The following TENM3 variants were observed in gnomAD, a reference collection of about 807,000 sequenced individuals.
TENM3 encodes the protein teneurin transmembrane protein 3, also known as teneurin-3.
In TENM3, 63 loss-of-function variants were observed where a neutral mutation model predicts 255.1. The observed-to-expected ratio is 0.25, with a 90% CI of 0.20 to 0.30. TENM3 has a LOEUF of 0.30. Among genes scored for constraint, TENM3 ranks in the 10% least tolerant of loss-of-function variants. The pLI is 1.00. For synonymous variants in TENM3, 1,306 were observed against 1,322.3 expected (o/e 0.99, Z 0.27); for missense variants, 2,929 against 3,461.1 (o/e 0.85, Z 3.86).
chr4:182,637,938 C>T (rs763444401), intron 5 of TENM3, among the ~76,000 whole-genome samples: 1 of 152,064 alleles, frequency 6.6e-6, no homozygotes, highest in Non-Finnish European at 1.5e-5. Context: ...AGTGTTACCA[C>T]ATAAACCTAA....
chr4:181,460,258 T>C, the TENM3 span, among the ~76,000 whole-genome samples: 1 of 152,012 alleles, frequency 6.6e-6, no homozygotes, highest in Non-Finnish European at 1.5e-5. Context: ...AATGTGTGAA[T>C]AAAGGCAGTT....
chr4:182,630,104 C>T (rs62339136), intron 5 of TENM3, among the ~76,000 whole-genome samples: 17,294 of 152,152 alleles, frequency 0.11, 1,297 homozygotes, highest in Non-Finnish European at 0.17. Context: ...CTGACGGCCT[C>T]TACCAGTCAG....
chr4:182,633,402 C>A (rs1751565545), intron 5 of TENM3, among the ~76,000 whole-genome samples: 1 of 152,206 alleles, frequency 6.6e-6, no homozygotes, highest in African/African-American at 2.4e-5. Flanking sequence ...TAAAAACACT[C>A]TTAACACCAT....
the TENM3 span, among the ~76,000 whole-genome samples, chr4:182,038,176 G>C: frequency 2.0e-5 from 3 of 152,146 alleles, no homozygotes; most frequent in Non-Finnish European, 4.4e-5. Flanking sequence ...AGAAGAATAT[G>C]ACTAGCTTCA....
At chr4:181,558,396 T>C in the TENM3 span, among the ~76,000 whole-genome samples, 1 of 152,192 alleles carries the variant, frequency 6.6e-6, no homozygotes, top group South Asian at 2.1e-4. Context: ...TTCCTGAACA[T>C]GAATAAACAG....
At chr4:181,886,289 G>A in the TENM3 span, among the ~76,000 whole-genome samples, 9 of 152,140 alleles carry the variant, frequency 5.9e-5, no homozygotes, top group Non-Finnish European at 1.2e-4. Context: ...CCGACCTCAA[G>A]TGATCCGCCT....
intron 3 of TENM3, among the ~76,000 whole-genome samples, chr4:182,355,970 T>G (rs1404054615): frequency 1.3e-5 from 2 of 151,254 alleles, no homozygotes; most frequent in Non-Finnish European, 2.9e-5. Context: ...CTCTGTGATC[T>G]ATATTATTGC....
chr4:182,381,368 G>A lies in TENM3; in HGVS notation c.511+34439G>A, dbSNP rs370928055. On this transcript the variant is annotated intron_variant, in intron 3 of 27. Coordinates refer to ENST00000511685, the MANE Select transcript of TENM3 (RefSeq NM_001080477.4). The stretch of plus-strand genomic sequence containing the variant: ...TGGGATGCAGGGAAAAAAAGACTCA[G>A]GATGTTAAGATGGTTTCGATACTGG... Among the ~76,000 whole-genome samples, 8 of 152,310 alleles carry A rather than the reference G, an allele frequency of 5.3e-5. No homozygotes were observed. In the East Asian group the frequency reaches 1.4e-3, roughly 26 times the overall value.
chr4:182,656,488 C>T (rs1488919586), intron 6 of TENM3, among the ~76,000 whole-genome samples: 1 of 152,116 alleles, frequency 6.6e-6, no homozygotes, highest in Non-Finnish European at 1.5e-5. Flanking sequence ...TAGCTGCAAA[C>T]CGCTGCTTTT....
intron 1 of TENM3, among the ~76,000 whole-genome samples, chr4:182,149,912 T>A (rs535806454): frequency 6.6e-5 from 10 of 152,218 alleles, no homozygotes; most frequent in African/African-American, 2.4e-4. Context: ...TGATACCTTC[T>A]GAAAATACCT....
the TENM3 span, among the ~76,000 whole-genome samples, chr4:181,750,982 C>T: frequency 6.6e-6 from 1 of 152,134 alleles, no homozygotes; most frequent in Non-Finnish European, 1.5e-5. Flanking sequence ...AGAGAGACCC[C>T]TACTTTAAAA....
At chr4:182,659,357 A>T (rs1754021864) in intron 6 of TENM3, among the ~76,000 whole-genome samples, 1 of 151,952 alleles carries the variant, frequency 6.6e-6, no homozygotes, top group South Asian at 2.1e-4. Flanking sequence ...CTTAACTTTC[A>T]TTGCAGTATA....
the TENM3 span, among the ~76,000 whole-genome samples, chr4:182,045,418 G>A: frequency 1.3e-5 from 2 of 150,164 alleles, no homozygotes; most frequent in Admixed American, 6.6e-5. Context: ...AAAAGATTAA[G>A]AGGCTAAATA....
rs1000324484 is a variant in TENM3, at chr4:182,372,460, T to C, written c.511+25531T>C. Among the ~76,000 whole-genome samples the C allele has an allele frequency of 3.3e-5, 5 of 152,210 alleles. No individual in the cohort carries two copies. The East Asian group carries it at 9.6e-4, about 29-fold the overall frequency. On this transcript the variant is annotated intron_variant, in intron 3 of 27. Coordinates refer to ENST00000511685, the MANE Select transcript of TENM3 (RefSeq NM_001080477.4). ...TCAAATTTTTTAAGCTTTAAATATA[T>C]CATAATTCCTTCTATTTCTTCCATA...
intron 12 of TENM3, among the ~76,000 whole-genome samples, chr4:182,703,249 C>A (rs970382856): frequency 1.3e-5 from 2 of 152,204 alleles, no homozygotes; most frequent in African/African-American, 4.8e-5. Flanking sequence ...AAGTACCACA[C>A]TTTTTTATCC....
At chr4:181,515,267 C>A in the TENM3 span, among the ~76,000 whole-genome samples, 1 of 152,212 alleles carries the variant, frequency 6.6e-6, no homozygotes, top group African/African-American at 2.4e-5. Flanking sequence ...TTACTGTGTT[C>A]TCTTTGCTCT....
the TENM3 span, among the ~76,000 whole-genome samples, chr4:181,575,843 T>G: frequency 1.3e-5 from 2 of 152,184 alleles, no homozygotes; most frequent in Non-Finnish European, 2.9e-5. Context: ...GCTTATCTTC[T>G]CCATGGACAC....
chr4:182,158,313 A>G (rs1384545801), intron 1 of TENM3, among the ~76,000 whole-genome samples: 1 of 152,214 alleles, frequency 6.6e-6, no homozygotes, highest in Admixed American at 6.5e-5. Flanking sequence ...AAAACTCACA[A>G]ATCAAACAAA....
chr4:181,973,786 T>C, the TENM3 span, among the ~76,000 whole-genome samples: 2 of 151,944 alleles, frequency 1.3e-5, no homozygotes, highest in Non-Finnish European at 2.9e-5. Flanking sequence ...ATAAAATAAG[T>C]AGAATACAGT....
Sources: allele counts gnomAD v4.1 joint callset (sites outside exome capture counted in the v4.1 genomes callset), GRCh38; gene constraint gnomAD v4.1.1; transcripts MANE v1.5; gene names NCBI Gene and HGNC (gene_info 2026-07-23, HGNC 2026-07-21).